The following FAM135A variants were observed in gnomAD, a reference collection of about 807,000 sequenced individuals.
FAM135A encodes the protein protein FAM135A.
In FAM135A, 79 loss-of-function variants were observed where a neutral mutation model predicts 146.8. The observed-to-expected ratio is 0.54, with a 90% CI of 0.45 to 0.65. FAM135A has a LOEUF of 0.65. Ranked by LOEUF, FAM135A falls within the 30% of genes least tolerant of loss-of-function variation. The pLI is 0.00. For synonymous variants in FAM135A, 562 were observed against 603.6 expected (o/e 0.93, Z 1.01); for missense variants, 1,623 against 1,758.2 (o/e 0.92, Z 1.38).
At position 70,525,002 on chromosome 6, in the gene FAM135A, T is replaced by C. The variant is rs372837192; in HGVS notation, c.1918T>C (p.Ser640Pro). Residue 640 changes from serine (S) to proline (P), a missense_variant, in exon 15 of 22, where the codon TCA becomes CCA. Ser to Pro is a moderately conservative substitution (Grantham distance 74). Around this residue, in one of 7 missense-constraint regions of FAM135A, gnomAD observed 1,061 missense variants for 1,113.8 expected, o/e 0.95. Coordinates refer to ENST00000418814, the MANE Select transcript of FAM135A (RefSeq NM_001162529.3). ...ACACAATCTGGCATCCAGAAGGTCA[T>C]CAGACGATTGCCATGATCATCAAAC... Reference protein sequence around the residue: ...MEHNLASRRSSDDCHDHQTTP... With the variant: ...MEHNLASRRSPDDCHDHQTTP... 124 of 1,601,364 alleles carry C rather than the reference T, an allele frequency of 7.7e-5. No individual in the cohort carries two copies. The highest frequency in any genetic ancestry group is 1.0e-4 in the Non-Finnish European group (118 of 1,175,452).
intron 19 of FAM135A, among the ~76,000 whole-genome samples, chr6:70,537,862 G>C (rs1236962519): frequency 6.6e-6 from 1 of 152,216 alleles, no homozygotes; most frequent in African/African-American, 2.4e-5. Flanking sequence ...GATGTGGTCT[G>C]TTTGCAATTA....
At chr6:70,536,004 A>G (rs1478852712) in intron 18 of FAM135A, 2 of 309,338 alleles carry the variant, frequency 6.5e-6, no homozygotes, top group African/African-American at 2.2e-5. Context: ...AAGCAGTTAC[A>G]AACTATGAGT....
In FAM135A at chr6:70,464,658, C is replaced by CTTTTTTTTTTTTTTTT. The variant is rs754818109; in HGVS notation, c.158-10744_158-10743insTTTTTTTTTTTTTTTT. Among the ~76,000 whole-genome samples, 54 of 100,398 alleles carry CTTTTTTTTTTTTTTTT rather than the reference C, an allele frequency of 5.4e-4. 1 individual carries two copies. The highest frequency in any genetic ancestry group is 1.7e-3 in the African/African-American group (46 of 26,668). 65.9% of individuals were successfully genotyped at this position (100,398 alleles called of 152,430 possible). ...TTTAAATTTCTTTCTTTCTTTCTTTCTTTTTTTTCTTTTTTTTTTTTTTTT... is the reference window on the plus strand; with the variant it reads ...TTTAAATTTCTTTCTTTCTTTCTTTCTTTTTTTTTTTTTTTTTTTTTTTTCTTTTTTTTTTTTTTTT... On this transcript the variant is annotated intron_variant, in intron 5 of 21. Coordinates refer to ENST00000418814, the MANE Select transcript of FAM135A (RefSeq NM_001162529.3).
chr6:70,523,489 T>A (rs920961570), intron 13 of FAM135A, among the ~76,000 whole-genome samples: 17 of 152,174 alleles, frequency 1.1e-4, no homozygotes, highest in Non-Finnish European at 1.9e-4. Context: ...TTAACTGTTT[T>A]GTATTAGAAA....
At chr6:70,424,739 G>A (rs1356373603) in intron 2 of FAM135A, among the ~76,000 whole-genome samples, 4 of 152,120 alleles carry the variant, frequency 2.6e-5, no homozygotes, top group African/African-American at 9.7e-5. Flanking sequence ...ACATGGCGAA[G>A]AACCACCAAC....
intron 10 of FAM135A, among the ~76,000 whole-genome samples, chr6:70,487,081 C>T (rs1204041848): frequency 2.2e-5 from 1 of 44,766 alleles, no homozygotes. Context: ...GGACTCCCAT[C>T]TCAAAAAAAA....
At chr6:70,469,738 A>AG (rs1279931668) in intron 5 of FAM135A, among the ~76,000 whole-genome samples, 8 of 152,294 alleles carry the variant, frequency 5.3e-5, no homozygotes, top group Admixed American at 2.0e-4. Context: ...TGCAAAAAAA[A>AG]GAGACGAAAA....
chr6:70,441,118 G>A (rs1042070540), intron 4 of FAM135A, among the ~76,000 whole-genome samples: 5 of 152,106 alleles, frequency 3.3e-5, no homozygotes, highest in Non-Finnish European at 7.3e-5. Context: ...TATCAGCTGG[G>A]TGCTGTGGCT....
intron 4 of FAM135A, among the ~76,000 whole-genome samples, chr6:70,436,285 A>G (rs562301794): frequency 1.6e-3 from 239 of 152,324 alleles, no homozygotes; most frequent in African/African-American, 5.0e-3. Context: ...AAGGCCTTCA[A>G]AACTGTCTGA....
At chr6:70,552,321 A>G (rs1260925009) in intron 20 of FAM135A, among the ~76,000 whole-genome samples, 1 of 151,890 alleles carries the variant, frequency 6.6e-6, no homozygotes, top group African/African-American at 2.4e-5. Context: ...TAAACCCTTT[A>G]TATAAACCTC....
chr6:70,450,184 A>G (rs1403632707), intron 4 of FAM135A, among the ~76,000 whole-genome samples: 1 of 152,102 alleles, frequency 6.6e-6, no homozygotes, highest in Non-Finnish European at 1.5e-5. Flanking sequence ...ATGGTTTGCA[A>G]ATATTTAAAC....
rs145034848 is a variant in FAM135A, at chr6:70,512,527, T to C, written c.1029+9736T>C. On this transcript the variant is annotated intron_variant, in intron 12 of 21. Coordinates refer to ENST00000418814, the MANE Select transcript of FAM135A (RefSeq NM_001162529.3). ...TTCCACATGCTTGTATTGTTTGGTG[T>C]CGTCAGTCTTTAACTACTATAGTAG... Among the ~76,000 whole-genome samples, 9 of 151,936 alleles carry C rather than the reference T, an allele frequency of 5.9e-5. No homozygotes were observed. In the East Asian group the frequency reaches 1.7e-3, roughly 29 times the overall value.
Position 70,512,271 on chromosome 6 carries a change from A to T in FAM135A, c.1029+9480A>T, listed in dbSNP as rs571852525. 2.6e-5 allele frequency among the ~76,000 whole-genome samples: 4 copies of T among 151,996 alleles called. No homozygotes were observed. In the East Asian group the frequency reaches 7.7e-4, roughly 29 times the overall value. On this transcript the variant is annotated intron_variant, in intron 12 of 21. Transcript: ENST00000418814. The stretch of plus-strand genomic sequence containing the variant: ...GTAGTATTTTATGGTATCGTATATC[A>T]GAATTCATTTATCTGTTCCCCTTAA...
rs1224243570 is a variant in FAM135A, at chr6:70,560,352, T to C, written c.*431T>C. On this transcript the variant is annotated 3_prime_UTR_variant, in exon 22 of 22. Transcript: ENST00000418814. ...AATTATAAATTTTTCTTTTCACATT[T>C]TACTGTGTTTTAACTGGAAATAAAA... is the stretch of plus-strand genomic sequence containing the variant. 6.5e-6 allele frequency: 1 copy of C among 153,374 alleles called. No individual in the cohort carries two copies. The highest frequency in any genetic ancestry group is 2.4e-5 in the African/African-American group (1 of 41,446). 9.5% of individuals were successfully genotyped at this position (153,374 alleles called of 1,614,324 possible).
chr6:70,552,140 A>T (rs894480416), intron 20 of FAM135A, among the ~76,000 whole-genome samples: 5 of 152,212 alleles, frequency 3.3e-5, no homozygotes, highest in Non-Finnish European at 2.9e-5. Flanking sequence ...TTTTAAGTGT[A>T]CAATCTTCTG....
chr6:70,456,947 G>A (rs1778493435), intron 5 of FAM135A, among the ~76,000 whole-genome samples: 1 of 152,070 alleles, frequency 6.6e-6, no homozygotes, highest in Admixed American at 6.5e-5. Context: ...GCATTATCTT[G>A]GTTAACAATA....
intron 15 of FAM135A, among the ~76,000 whole-genome samples, chr6:70,527,866 A>G (rs1327689943): frequency 6.6e-6 from 1 of 152,130 alleles, no homozygotes; most frequent in East Asian, 1.9e-4. Context: ...CATTTTGTAA[A>G]TCACTCCTTC....
chr6:70,420,858 A>G (rs1336519005), intron 2 of FAM135A, among the ~76,000 whole-genome samples: 1 of 151,966 alleles, frequency 6.6e-6, no homozygotes, highest in Non-Finnish European at 1.5e-5. Flanking sequence ...CTTTATACTT[A>G]CAGCATACCT....
chr6:70,502,540 A>G, intron 11 of FAM135A, 96 bp from the exon 12 acceptor site: 2 of 1,270,758 alleles, frequency 1.6e-6, no homozygotes, highest in Non-Finnish European at 2.2e-6. Flanking sequence ...TTAAACCACA[A>G]ATTTGCCTTT....
Sources: gnomAD v4.1 joint callset for allele counts (sites outside exome capture counted in the v4.1 genomes callset) on GRCh38, gnomAD v4.1.1 for gene constraint, gnomAD v4.1.1 regional missense constraint, MANE v1.5 for transcripts, NCBI Gene and HGNC (gene_info 2026-07-23, HGNC 2026-07-21) for gene names.